Variants in CSMD1 observed in about 807,000 individuals in gnomAD.
CSMD1 encodes CUB and Sushi multiple domains 1.
CSMD1 carries 213 observed loss-of-function variants against 417.5 expected under a neutral mutation model. That is an observed-to-expected ratio of 0.51 (90% CI 0.46 to 0.57). The LOEUF is 0.57. CSMD1 is among the 20% of genes least tolerant of loss of function. The pLI is 0.00. For missense variants in CSMD1, 6,923 were observed against 4,529.7 expected (o/e 1.53, Z -15.17); for synonymous variants, 2,862 against 1,736.8 (o/e 1.65, Z -16.11).
At chr8:4,384,561 G>T (rs1584992243) in intron 3 of CSMD1, among the ~76,000 whole-genome samples, 1 of 152,132 alleles carries the variant, frequency 6.6e-6, no homozygotes, top group African/African-American at 2.4e-5. Context: ...CTGTATCAGT[G>T]CTGTAAGCAA....
intron 48 of CSMD1, 32 bp from the exon 49 acceptor site, chr8:3,087,317 T>A (rs372147757): frequency 1.4e-5 from 22 of 1,603,806 alleles, no homozygotes; most frequent in Non-Finnish European, 1.8e-5. Context: ...CAGAAATAAG[T>A]CAACAAGCAA....
At chr8:3,507,960 C>G (rs1016905008) in intron 10 of CSMD1, among the ~76,000 whole-genome samples, 1 of 152,124 alleles carries the variant, frequency 6.6e-6, no homozygotes, top group Non-Finnish European at 1.5e-5. Flanking sequence ...TGTAGGTTGC[C>G]TGTTCACTCT....
chr8:4,763,977 C>G (rs1812282586), intron 1 of CSMD1, among the ~76,000 whole-genome samples: 2 of 152,224 alleles, frequency 1.3e-5, no homozygotes, highest in African/African-American at 2.4e-5. Context: ...ATATCAGACC[C>G]TGATAGAAAA....
chr8:3,982,464 A>C (rs1384206750), intron 5 of CSMD1, among the ~76,000 whole-genome samples: 1 of 152,118 alleles, frequency 6.6e-6, no homozygotes, highest in Non-Finnish European at 1.5e-5. Context: ...TCACATGATT[A>C]CTATTAGTAT....
At chr8:4,458,075 G>A (rs753384179) in intron 2 of CSMD1, among the ~76,000 whole-genome samples, 3 of 152,032 alleles carry the variant, frequency 2.0e-5, no homozygotes, top group Non-Finnish European at 4.4e-5. Context: ...AATCCTTCAT[G>A]TTTTTAACTC....
At chr8:3,950,819 T>C (rs1811550965) in intron 5 of CSMD1, among the ~76,000 whole-genome samples, 2 of 152,020 alleles carry the variant, frequency 1.3e-5, no homozygotes, top group Admixed American at 6.6e-5. Context: ...AGGTTTAGTA[T>C]ATTAAAATAC....
At chr8:3,330,696 G>C (rs992000775) in intron 23 of CSMD1, among the ~76,000 whole-genome samples, 2 of 152,032 alleles carry the variant, frequency 1.3e-5, no homozygotes, top group African/African-American at 2.4e-5. Flanking sequence ...AAACCCCCGT[G>C]ACATGAGTTT....
chr8:4,498,145 A>T (rs1200577689), intron 2 of CSMD1, among the ~76,000 whole-genome samples: 1 of 152,082 alleles, frequency 6.6e-6, no homozygotes, highest in Non-Finnish European at 1.5e-5. Context: ...AAGTAACCTA[A>T]TCGGGGAGGG....
At chr8:3,713,175 T>G (rs1801626580) in intron 6 of CSMD1, among the ~76,000 whole-genome samples, 1 of 152,198 alleles carries the variant, frequency 6.6e-6, no homozygotes, top group Non-Finnish European at 1.5e-5. Flanking sequence ...CCACAATAAA[T>G]ATACCTAAGG....
intron 10 of CSMD1, among the ~76,000 whole-genome samples, chr8:3,565,952 C>T (rs981246303): frequency 2.6e-5 from 4 of 152,270 alleles, no homozygotes; most frequent in Admixed American, 1.3e-4. Context: ...ATCTTCCCAA[C>T]GTATACGCAT....
At chr8:3,841,151 C>T (rs985066170) in intron 5 of CSMD1, among the ~76,000 whole-genome samples, 9 of 152,044 alleles carry the variant, frequency 5.9e-5, no homozygotes, top group African/African-American at 9.6e-5. Flanking sequence ...GGGTACTCAT[C>T]GATAAAATGG....
At chr8:4,144,262 C>T (rs1393777780) in intron 3 of CSMD1, among the ~76,000 whole-genome samples, 1 of 150,970 alleles carries the variant, frequency 6.6e-6, no homozygotes, top group Admixed American at 6.6e-5. Context: ...GCCTCAAGAC[C>T]TTATTCTGCC....
At chr8:4,674,577 G>A (rs62484566) in intron 1 of CSMD1, among the ~76,000 whole-genome samples, 21,460 of 152,086 alleles carry the variant, frequency 0.14, 1,553 homozygotes, top group Middle Eastern at 0.17. Flanking sequence ...ACCACTAACC[G>A]TTCTGGTACT....
chr8:4,953,878 G>A (rs1364891726), intron 1 of CSMD1, among the ~76,000 whole-genome samples: 3 of 152,024 alleles, frequency 2.0e-5, no homozygotes, highest in Non-Finnish European at 4.4e-5. Flanking sequence ...TCAACCCTGG[G>A]CTTAGAGATT....
At chr8:4,606,016 A>T (rs568648695) in intron 2 of CSMD1, among the ~76,000 whole-genome samples, 76 of 152,320 alleles carry the variant, frequency 5.0e-4, no homozygotes, top group African/African-American at 1.8e-3. Flanking sequence ...CCAGACACCA[A>T]GCTGACAGGA....
At chr8:3,321,301 T>C (rs999042349) in intron 23 of CSMD1, among the ~76,000 whole-genome samples, 1 of 152,156 alleles carries the variant, frequency 6.6e-6, no homozygotes, top group African/African-American at 2.4e-5. Flanking sequence ...TCCTGCCATC[T>C]GGTGATGCCC....
At chr8:4,308,315 G>A (rs1798362462) in intron 3 of CSMD1, among the ~76,000 whole-genome samples, 1 of 151,810 alleles carries the variant, frequency 6.6e-6, no homozygotes, top group Admixed American at 6.6e-5. Flanking sequence ...GTATGTGTGG[G>A]GTGGTGTATC....
intron 7 of CSMD1, among the ~76,000 whole-genome samples, chr8:3,649,058 A>G (rs186824069): frequency 1.1e-3 from 175 of 152,272 alleles, no homozygotes; most frequent in Non-Finnish European, 2.2e-4. Context: ...ACAAGATTTA[A>G]AGCCCAGGGT....
chr8:4,324,112 A>G (rs1504752), intron 3 of CSMD1, among the ~76,000 whole-genome samples: 26,771 of 152,122 alleles, frequency 0.18, 3,044 homozygotes, highest in African/African-American at 0.32. Flanking sequence ...ACATCACCTA[A>G]AAATCTCCTG....
Sources: allele counts gnomAD v4.1 joint callset (sites outside exome capture counted in the v4.1 genomes callset), GRCh38; gene constraint gnomAD v4.1.1; transcripts MANE v1.5; gene names NCBI Gene and HGNC (gene_info 2026-07-23, HGNC 2026-07-21).